Variants in SCN10A observed in about 807,000 individuals in gnomAD.
The protein encoded by SCN10A is sodium voltage-gated channel alpha subunit 10, also known as sodium channel protein type 10 subunit alpha.
SCN10A carries 162 observed loss-of-function variants against 170.7 expected under a neutral mutation model. The observed-to-expected ratio is 0.95, with a 90% confidence interval of 0.84 to 1.08. The LOEUF is 1.08. SCN10A is among the 50% of genes least tolerant of loss of function. The probability of loss-of-function intolerance (pLI) is 0.00; values close to 1 mark genes in which losing one functional copy is unlikely to be tolerated. For synonymous variants in SCN10A, 985 were observed against 904.6 expected (o/e 1.09, Z -1.59); for missense variants, 2,527 against 2,436.9 (o/e 1.04, Z -0.78).
At chr3:38,719,367 C>CTTTTTTTTTTTTTTTT (rs555646896) in intron 20 of SCN10A, among the ~76,000 whole-genome samples, 1 of 69,130 alleles carries the variant, frequency 1.4e-5, no homozygotes, top group Non-Finnish European at 2.8e-5. Flanking sequence ...GGCTGCCACT[C>CTTTTTTTTTTTTTTTT]TTTTTTTTTT....
intron 17 of SCN10A, among the ~76,000 whole-genome samples, chr3:38,725,524 A>G (rs1038235850): frequency 6.6e-6 from 1 of 152,276 alleles, no homozygotes. Flanking sequence ...TCCATTAATT[A>G]TAAGATGTGT....
intron 4 of SCN10A, among the ~76,000 whole-genome samples, chr3:38,779,302 AT>A (rs1011799187): frequency 5.9e-5 from 9 of 152,000 alleles, no homozygotes; most frequent in African/African-American, 1.9e-4. Context: ...TGCTGCTGGG[AT>A]TTTTTTGGGG....
chr3:38,764,909 G>A (rs1396808354), intron 5 of SCN10A, among the ~76,000 whole-genome samples: 3 of 152,158 alleles, frequency 2.0e-5, no homozygotes, highest in African/African-American at 7.2e-5. Flanking sequence ...TCTTGCAGGA[G>A]TAAGGTGGTA....
chr3:38,737,798 C>CTCTTTCTTTTTCTTTCTTTCTTTCTT (rs1553618374), intron 15 of SCN10A, among the ~76,000 whole-genome samples: 1 of 93,608 alleles, frequency 1.1e-5, no homozygotes, highest in Non-Finnish European at 2.0e-5. Flanking sequence ...CCCTCCCTTC[C>CTCTTTCTTTTTCTTTCTTTCTTTCTT]TCTTTCTTTC....
chr3:38,796,983 C>G (rs926791824), intron 1 of SCN10A, among the ~76,000 whole-genome samples: 2 of 151,718 alleles, frequency 1.3e-5, no homozygotes, highest in African/African-American at 2.4e-5. Context: ...GAGATAATGG[C>G]GAAACTTAAT....
intron 15 of SCN10A, among the ~76,000 whole-genome samples, chr3:38,732,032 C>T (rs2063518056): frequency 6.6e-6 from 1 of 152,178 alleles, no homozygotes; most frequent in Admixed American, 6.5e-5. Context: ...GGCAGTGAGC[C>T]CCCACTGGCT....
At chr3:38,710,468 T>C (rs914409563) in intron 24 of SCN10A, among the ~76,000 whole-genome samples, 2 of 152,206 alleles carry the variant, frequency 1.3e-5, no homozygotes, top group Non-Finnish European at 2.9e-5. Context: ...TCCTGGGTTT[T>C]ATGATAGTTC....
intron 26 of SCN10A, among the ~76,000 whole-genome samples, chr3:38,704,727 C>T (rs1329873407): frequency 6.6e-6 from 1 of 152,136 alleles, no homozygotes; most frequent in African/African-American, 2.4e-5. Flanking sequence ...TGAGCATCAT[C>T]AGAGGTGAGA....
chr3:38,778,146 T>G (rs1404386559), intron 4 of SCN10A, among the ~76,000 whole-genome samples: 1 of 152,090 alleles, frequency 6.6e-6, no homozygotes, highest in Non-Finnish European at 1.5e-5. Flanking sequence ...GCATGCAGTG[T>G]TAAACACCCA....
At position 38,792,095 on chromosome 3, in the gene SCN10A, G is replaced by A. The variant is rs760579685; in HGVS notation, c.344C>T (p.Pro115Leu). Residue 115 changes from proline (P) to leucine (L), a missense_variant, in exon 3 of 28, where the codon CCT (proline) becomes CTT (leucine). Physicochemically the swap from Pro to Leu is moderately conservative, Grantham distance 98. Coordinates refer to ENST00000449082, the MANE Select transcript of SCN10A (RefSeq NM_006514.4). ...SATRALWLFS[P>L]FNLIRRTAIK... ...GGCCGTTCTTCTGATCAGGTTGAAA[G>A]GACTGAATAGCCACAGGGCCCGAGT... The A allele has an allele frequency of 1.2e-6, 2 of 1,613,874 alleles. No individual in the cohort carries two copies. The highest frequency in any genetic ancestry group is 1.7e-6 in the Non-Finnish European group (2 of 1,179,846).
At chr3:38,755,276 C>A (rs1256235975) in intron 11 of SCN10A, among the ~76,000 whole-genome samples, 1 of 151,920 alleles carries the variant, frequency 6.6e-6, no homozygotes, top group Non-Finnish European at 1.5e-5. Context: ...ATAAAAACCA[C>A]CTCGACGCAT....
At chr3:38,725,095 G>A (rs1191976528) in intron 18 of SCN10A, 79 bp downstream of exon 18, 4 of 1,369,662 alleles carry the variant, frequency 2.9e-6, no homozygotes, top group South Asian at 1.7e-5. Context: ...CACCTTCACC[G>A]CCACCCTCCA....
At chr3:38,753,827 G>A (rs1025763514) in intron 11 of SCN10A, among the ~76,000 whole-genome samples, 8 of 152,114 alleles carry the variant, frequency 5.3e-5, no homozygotes, top group African/African-American at 1.7e-4. Flanking sequence ...ACAAATGGTG[G>A]GCAATGTCTT....
chr3:38,748,990 G>A (rs1024815179), intron 13 of SCN10A, among the ~76,000 whole-genome samples: 2 of 152,142 alleles, frequency 1.3e-5, no homozygotes, highest in East Asian at 1.9e-4. Flanking sequence ...GCTCTTCTAG[G>A]TAATGGAGAT....
intron 2 of SCN10A, 82 bp downstream of exon 2, chr3:38,793,659 C>G (rs1261614445): frequency 6.8e-7 from 1 of 1,464,326 alleles, no homozygotes; most frequent in Non-Finnish European, 9.3e-7. Flanking sequence ...CACCCAGGGC[C>G]AAGGAGGACT....
chr3:38,815,588 G>A (rs1025535946), intron 1 of SCN10A, among the ~76,000 whole-genome samples: 3 of 152,206 alleles, frequency 2.0e-5, no homozygotes, highest in African/African-American at 7.2e-5. Context: ...CTGACCCGGA[G>A]ACCATGCATT....
At chr3:38,796,205 T>C (rs2064340989) in intron 1 of SCN10A, among the ~76,000 whole-genome samples, 1 of 152,194 alleles carries the variant, frequency 6.6e-6, no homozygotes, top group Non-Finnish European at 1.5e-5. Flanking sequence ...TTTACTGCCA[T>C]TAGCCCCAAA....
chr3:38,742,970 G>GA (rs917985282), intron 13 of SCN10A, among the ~76,000 whole-genome samples: 6 of 152,090 alleles, frequency 3.9e-5, no homozygotes, highest in African/African-American at 1.2e-4. Context: ...GACCTGGCTG[G>GA]AAAAAATACA....
At position 38,701,963 on chromosome 3, in the gene SCN10A, G is replaced by A. The variant is rs267599798; in HGVS notation, c.4533C>T (p.Ile1511=). ...SEEKTKILGK[I]NQFFVAVFTG... ...TGAAGACGGCCACAAAGAACTGGTT[G>A]ATTTTGCCCAGAATTTTCGTCTTTT... Residue 1511 remains isoleucine (I), a synonymous_variant, in exon 27 of 28, where the codon ATC becomes ATT. Transcript: ENST00000449082. 6.2e-7 allele frequency: 1 copy of A among 1,614,128 alleles called. No individual in the cohort carries two copies.
Sources: allele counts gnomAD v4.1 joint callset (sites outside exome capture counted in the v4.1 genomes callset), GRCh38; gene constraint gnomAD v4.1.1; transcripts MANE v1.5; gene names NCBI Gene and HGNC (gene_info 2026-07-23, HGNC 2026-07-21).